The following FAM180A variants were observed in gnomAD, a reference collection of about 807,000 sequenced individuals.
The protein encoded by FAM180A is protein FAM180A.
Under a neutral mutation model 15.3 loss-of-function variants are expected in FAM180A, and 14 were observed. That is an observed-to-expected ratio of 0.92 (90% CI 0.61 to 1.43). FAM180A has a LOEUF of 1.43. Ranked by LOEUF, FAM180A falls within the 40% of genes most tolerant of loss-of-function variation. FAM180A has a pLI of 0.00. For synonymous variants in FAM180A, 90 were observed against 96.8 expected (o/e 0.93, Z 0.41); for missense variants, 200 against 220.8 (o/e 0.91, Z 0.60).
intron 2 of FAM180A, among the ~76,000 whole-genome samples, chr7:135,736,784 C>T (rs1205363504): frequency 6.6e-6 from 1 of 152,180 alleles, no homozygotes; most frequent in Non-Finnish European, 1.5e-5. Flanking sequence ...AAGGCCTTTG[C>T]TTGGGAATAT....
chr7:135,735,646 C>T (rs1269556159), intron 2 of FAM180A, among the ~76,000 whole-genome samples: 1 of 152,220 alleles, frequency 6.6e-6, no homozygotes, highest in Non-Finnish European at 1.5e-5. Context: ...GTTCCCAAGG[C>T]AGGATTTGAA....
intron 1 of FAM180A, among the ~76,000 whole-genome samples, chr7:135,747,565 C>T (rs1797048832): frequency 6.6e-6 from 1 of 152,082 alleles, no homozygotes; most frequent in Admixed American, 6.6e-5. Context: ...CCACTCCGGC[C>T]ACTCCTTCCT....
intron 1 of FAM180A, among the ~76,000 whole-genome samples, chr7:135,745,264 AC>A (rs1285025123): frequency 6.6e-6 from 1 of 152,204 alleles, no homozygotes; most frequent in Non-Finnish European, 1.5e-5. Context: ...CATAAGGTCC[AC>A]CAAAAAATGG....
Position 135,734,149 on chromosome 7 carries a change from G to A in FAM180A, c.348C>T (p.Gly116=), listed in dbSNP as rs1168953645. ...TTTCAAAGTCTTCTTTCTTGAGGAT[G>A]CCAGGGTGGCTGGAGAGGCTGGCGC... ...RLSASLSSHP[G]ILKKEDFERT... The change falls in exon 3 of 4, where the codon GGC becomes GGT. Residue 116 remains glycine, a synonymous_variant. Coordinates refer to ENST00000338588, the MANE Select transcript of FAM180A (RefSeq NM_205855.4). 3 of 1,614,068 alleles carry A rather than the reference G, an allele frequency of 1.9e-6. No homozygotes were observed. The highest frequency in any genetic ancestry group is 1.3e-5 in the African/African-American group (1 of 74,954).
chr7:135,744,914 A>G (rs573591803), intron 1 of FAM180A, among the ~76,000 whole-genome samples: 39 of 152,192 alleles, frequency 2.6e-4, no homozygotes, highest in African/African-American at 8.2e-4. Context: ...TTCTTTTTGG[A>G]TACAGGGTCT....
chr7:135,744,980 G>C (rs565107382), intron 1 of FAM180A, among the ~76,000 whole-genome samples: 157 of 152,074 alleles, frequency 1.0e-3, no homozygotes, highest in African/African-American at 3.6e-3. Context: ...CTGCATCGTT[G>C]ACCTCCTGGG....
intron 1 of FAM180A, among the ~76,000 whole-genome samples, chr7:135,739,781 T>C (rs925018457): frequency 6.6e-6 from 1 of 152,138 alleles, no homozygotes. Flanking sequence ...ATGGGCTTAT[T>C]ATAGTATTGC....
intron 2 of FAM180A, among the ~76,000 whole-genome samples, chr7:135,735,857 C>T (rs1796862498): frequency 6.6e-6 from 1 of 151,770 alleles, no homozygotes; most frequent in African/African-American, 2.4e-5. Flanking sequence ...TGCATGCCAG[C>T]ATGGCCAGCT....
intron 1 of FAM180A, among the ~76,000 whole-genome samples, chr7:135,737,768 GAAAAGA>G (rs573033303): frequency 2.0e-4 from 31 of 151,930 alleles, no homozygotes; most frequent in Admixed American, 1.4e-3. Context: ...AACGAGAAAA[GAAAAGA>G]AAAAGAAAAA....
intron 1 of FAM180A, among the ~76,000 whole-genome samples, chr7:135,742,009 C>A (rs964464767): frequency 1.3e-5 from 2 of 152,156 alleles, no homozygotes; most frequent in Non-Finnish European, 2.9e-5. Context: ...CTTCCTCACC[C>A]CCACCCCTGC....
chr7:135,731,038 T>C (rs116204561), intron 3 of FAM180A, among the ~76,000 whole-genome samples: 2,399 of 152,198 alleles, frequency 0.016, 39 homozygotes, highest in African/African-American at 0.042. Context: ...GCTGGGTGAA[T>C]GTTCCTGGGA....
Position 135,729,971 on chromosome 7 carries a change from A to C in FAM180A, c.*640T>G, listed in dbSNP as rs1796757834. On this transcript the variant is annotated 3_prime_UTR_variant, in exon 4 of 4. Coordinates refer to ENST00000338588, the MANE Select transcript of FAM180A (RefSeq NM_205855.4). ...GTTAACACTGCTGTACCATATGCTT[A>C]AAAATGGTTAAGATGGTACATTTTA... 1 of 917,822 alleles carries C rather than the reference A, an allele frequency of 1.1e-6. No homozygotes were observed. Among genetic ancestry groups the C allele is most frequent in the Non-Finnish European group, 1.3e-6 (1 of 768,286 alleles). 56.9% of individuals were successfully genotyped at this position (917,822 alleles called of 1,614,324 possible).
chr7:135,731,729 T>G (rs759456122), intron 3 of FAM180A, among the ~76,000 whole-genome samples: 1 of 152,228 alleles, frequency 6.6e-6, no homozygotes, highest in Non-Finnish European at 1.5e-5. Context: ...AATATCAGGA[T>G]GCAAAGCTGT....
chr7:135,741,063 C>T lies in FAM180A; in HGVS notation c.77-3864G>A, dbSNP rs989424279. On this transcript the variant is annotated intron_variant, in intron 1 of 3. Transcript: ENST00000338588. ...CCTTTCTGCTCCCTGTAATCACAGC[C>T]GCTGCCTGCCTGGAAGTTATTTATG... 3.9e-5 allele frequency among the ~76,000 whole-genome samples: 6 copies of T among 152,080 alleles called. 1 individual carries two copies. Among genetic ancestry groups the T allele is most frequent in the African/African-American group, 1.2e-4 (5 of 41,396 alleles).
chr7:135,746,121 A>G (rs1797029233), intron 1 of FAM180A, among the ~76,000 whole-genome samples: 1 of 152,122 alleles, frequency 6.6e-6, no homozygotes, highest in African/African-American at 2.4e-5. Flanking sequence ...AGCACGTCAC[A>G]TCCGCTGCCT....
intron 1 of FAM180A, among the ~76,000 whole-genome samples, chr7:135,738,713 C>T (rs535592921): frequency 1.5e-4 from 23 of 152,310 alleles, no homozygotes; most frequent in Non-Finnish European, 2.4e-4. Flanking sequence ...TCCAGGACCA[C>T]GTCAGGCTAG....
Position 135,729,846 on chromosome 7 carries a change from A to G in FAM180A, c.*765T>C. On this transcript the variant is annotated 3_prime_UTR_variant, in exon 4 of 4. Transcript: ENST00000338588. ...GAATAATGGTGCCAAGAGCTGGGGC[A>G]GGCAGGGGGAAGGGGAAAAGAGGAG... is the stretch of plus-strand genomic sequence containing the variant. 1.2e-6 allele frequency: 1 copy of G among 814,352 alleles called. No homozygotes were observed. Among genetic ancestry groups the G allele is most frequent in the Non-Finnish European group, 1.5e-6 (1 of 674,110 alleles). 50.4% of individuals were successfully genotyped at this position (814,352 alleles called of 1,614,324 possible).
At position 135,748,691 on chromosome 7, in the gene FAM180A, T is replaced by C. The variant is rs1797065585; in HGVS notation, c.-111A>G. ...GAGATGATGGAGTGCTTCCCTCCCTTCCTTTTGCAGACGTGCAGAAATGCC... is the reference window on the plus strand; with the variant it reads ...GAGATGATGGAGTGCTTCCCTCCCTCCCTTTTGCAGACGTGCAGAAATGCC... On this transcript the variant is annotated 5_prime_UTR_variant, in exon 1 of 4. Coordinates refer to ENST00000338588, the MANE Select transcript of FAM180A (RefSeq NM_205855.4). 2 of 847,554 alleles carry C rather than the reference T, an allele frequency of 2.4e-6. No individual in the cohort carries two copies. The highest frequency in any genetic ancestry group is 2.4e-5 in the East Asian group (1 of 40,940). The allele number at this position is 847,554 out of a possible 1,614,324, so 52.5% of individuals were successfully genotyped here. A position where few individuals can be genotyped will look rare whatever the true frequency, so the allele number is the denominator to read the frequency against.
chr7:135,748,329 G>A (rs1349390133), intron 1 of FAM180A, among the ~76,000 whole-genome samples, 176 bp downstream of exon 1: 1 of 152,128 alleles, frequency 6.6e-6, no homozygotes, highest in Admixed American at 6.5e-5. Flanking sequence ...TTTTTCCAGT[G>A]TCATTTCCCC....
Sources: allele counts gnomAD v4.1 joint callset (sites outside exome capture counted in the v4.1 genomes callset), GRCh38; gene constraint gnomAD v4.1.1; transcripts MANE v1.5; gene names NCBI Gene and HGNC (gene_info 2026-07-23, HGNC 2026-07-21).